MEIS2: variants seen among roughly 807,000 people sequenced by gnomAD.
MEIS2 encodes Meis homeobox 2.
MEIS2 carries 9 observed loss-of-function variants against 58.6 expected under a neutral mutation model. That is an observed-to-expected ratio of 0.15 (90% CI 0.09 to 0.27). The LOEUF (loss-of-function observed/expected upper bound fraction) is 0.27. MEIS2 is among the 10% of genes least tolerant of loss of function. The probability of loss-of-function intolerance (pLI) is 1.00; values close to 1 mark genes in which losing one functional copy is unlikely to be tolerated. For synonymous variants in MEIS2, 221 were observed against 228.4 expected (o/e 0.97, Z 0.29); for missense variants, 427 against 635.0 (o/e 0.67, Z 3.52).
intron 7 of MEIS2, among the ~76,000 whole-genome samples, chr15:37,078,155 G>A (rs909681480): frequency 1.3e-5 from 2 of 151,880 alleles, no homozygotes; most frequent in African/African-American, 2.4e-5. Flanking sequence ...CTTCTGCATT[G>A]AACGGCTGAC....
At chr15:36,931,965 A>C (rs895108920) in intron 9 of MEIS2, among the ~76,000 whole-genome samples, 7 of 152,348 alleles carry the variant, frequency 4.6e-5, no homozygotes, top group African/African-American at 1.7e-4. Context: ...GTGGTGACAA[A>C]TCACTGAAAG....
At chr15:36,987,653 A>G (rs2060136607) in intron 8 of MEIS2, among the ~76,000 whole-genome samples, 1 of 152,170 alleles carries the variant, frequency 6.6e-6, no homozygotes, top group South Asian at 2.1e-4. Flanking sequence ...ATCATAAGAC[A>G]CTTAATAACA....
At chr15:36,967,677 C>A (rs1201059203) in intron 8 of MEIS2, among the ~76,000 whole-genome samples, 1 of 152,188 alleles carries the variant, frequency 6.6e-6, no homozygotes, top group African/African-American at 2.4e-5. Context: ...CACTACTCTG[C>A]AACACAAATA....
intron 9 of MEIS2, among the ~76,000 whole-genome samples, chr15:36,928,706 CA>C (rs2057847820): frequency 6.6e-6 from 1 of 152,088 alleles, no homozygotes; most frequent in Non-Finnish European, 1.5e-5. Flanking sequence ...TTCTGAGGAA[CA>C]ATTAGATAAC....
chr15:36,909,616 C>T (rs999965977), intron 9 of MEIS2, among the ~76,000 whole-genome samples: 2 of 152,118 alleles, frequency 1.3e-5, no homozygotes, highest in African/African-American at 4.8e-5. Flanking sequence ...TCACAAACAA[C>T]TCAAGATACA....
chr15:36,992,139 C>T (rs554027504), intron 8 of MEIS2, among the ~76,000 whole-genome samples: 13 of 152,124 alleles, frequency 8.5e-5, no homozygotes, highest in African/African-American at 3.1e-4. Context: ...AATTGCTAGT[C>T]GGCTTCATTT....
At chr15:36,989,484 T>C (rs891877128) in intron 8 of MEIS2, among the ~76,000 whole-genome samples, 11 of 152,194 alleles carry the variant, frequency 7.2e-5, no homozygotes, top group African/African-American at 2.4e-4. Flanking sequence ...TCAATTCCCT[T>C]GCATACTCGT....
intron 8 of MEIS2, among the ~76,000 whole-genome samples, chr15:36,974,953 C>G (rs906263231): frequency 6.6e-6 from 1 of 152,120 alleles, no homozygotes; most frequent in South Asian, 2.1e-4. Flanking sequence ...TCCCAAAGAT[C>G]AAAATATCAA....
At chr15:37,093,195 C>T (rs989758735) in intron 6 of MEIS2, among the ~76,000 whole-genome samples, 1 of 152,218 alleles carries the variant, frequency 6.6e-6, no homozygotes, top group African/African-American at 2.4e-5. Flanking sequence ...TCTCTCCAGA[C>T]CAGTCCAGCT....
At chr15:36,942,399 G>C (rs2058406989) in intron 9 of MEIS2, among the ~76,000 whole-genome samples, 1 of 152,104 alleles carries the variant, frequency 6.6e-6, no homozygotes, top group African/African-American at 2.4e-5. Context: ...AGAATAGAGG[G>C]AACAATTCTG....
In MEIS2 at chr15:37,009,016, G is replaced by A. The variant is rs903695258; in HGVS notation, c.900+27798C>T. Among the ~76,000 whole-genome samples, 6 of 152,320 alleles carry A rather than the reference G, an allele frequency of 3.9e-5. No individual in the cohort carries two copies. In the East Asian group the frequency reaches 1.2e-3, roughly 29 times the overall value. On this transcript the variant is annotated intron_variant, in intron 8 of 11. Transcript: ENST00000561208. ...ATAAGAATTAAAATAAGGGTCAGGC[G>A]TGGTGGCTTACGCCTGTAATCCCAG... is the stretch of plus-strand genomic sequence containing the variant.
intron 7 of MEIS2, among the ~76,000 whole-genome samples, chr15:37,068,396 A>G (rs539971962): frequency 6.6e-6 from 1 of 152,324 alleles, no homozygotes; most frequent in East Asian, 1.9e-4. Flanking sequence ...CAAACTCAAC[A>G]AATTTTGGGA....
intron 8 of MEIS2, among the ~76,000 whole-genome samples, chr15:36,951,883 G>C (rs1329765861): frequency 6.6e-6 from 1 of 151,870 alleles, no homozygotes; most frequent in Admixed American, 6.6e-5. Flanking sequence ...CATTAGTAAT[G>C]ACCCCTTCAC....
At chr15:36,976,093 A>T (rs987249454) in intron 8 of MEIS2, among the ~76,000 whole-genome samples, 4 of 151,012 alleles carry the variant, frequency 2.6e-5, no homozygotes, top group Admixed American at 6.6e-5. Flanking sequence ...GTTTTATTTT[A>T]TTTTTTTTTG....
At chr15:37,001,591 C>G (rs12900044) in intron 8 of MEIS2, among the ~76,000 whole-genome samples, 1 of 151,976 alleles carries the variant, frequency 6.6e-6, no homozygotes, top group Non-Finnish European at 1.5e-5. Flanking sequence ...CAGACTATTT[C>G]TCATACTTAT....
intron 7 of MEIS2, among the ~76,000 whole-genome samples, chr15:37,061,397 C>A (rs780817018): frequency 1.8e-4 from 27 of 152,278 alleles, no homozygotes; most frequent in Middle Eastern, 3.4e-3. Context: ...ACCCAGGAAA[C>A]AGACTAGTTT....
At chr15:37,085,064 G>A (rs1435774102) in intron 6 of MEIS2, among the ~76,000 whole-genome samples, 2 of 151,752 alleles carry the variant, frequency 1.3e-5, no homozygotes, top group East Asian at 1.9e-4. Flanking sequence ...AAGTATACAA[G>A]GTATACACCA....
intron 8 of MEIS2, among the ~76,000 whole-genome samples, chr15:37,029,439 A>G (rs750151353): frequency 6.6e-6 from 1 of 152,192 alleles, no homozygotes; most frequent in Non-Finnish European, 1.5e-5. Context: ...CCAAGCAGAA[A>G]TAACTAATGT....
intron 7 of MEIS2, among the ~76,000 whole-genome samples, chr15:37,052,402 G>A (rs146650822): frequency 2.6e-5 from 4 of 152,262 alleles, no homozygotes; most frequent in South Asian, 2.1e-4. Context: ...TAAGAAACTC[G>A]CCTAAAGTCA....
Sources: allele counts gnomAD v4.1 joint callset (sites outside exome capture counted in the v4.1 genomes callset), GRCh38; gene constraint gnomAD v4.1.1; transcripts MANE v1.5; gene names NCBI Gene and HGNC (gene_info 2026-07-23, HGNC 2026-07-21).